Variants in PCTP observed in about 807,000 individuals in gnomAD.
PCTP encodes START domain-containing protein 2.
In PCTP, 27 loss-of-function variants were observed where a neutral mutation model predicts 31.0. That is an observed-to-expected ratio of 0.87 (90% confidence interval 0.64 to 1.20). The LOEUF (loss-of-function observed/expected upper bound fraction) is 1.20. PCTP is among the 50% of genes most tolerant of loss of function. The pLI is 0.00. For synonymous variants in PCTP, 108 were observed against 101.2 expected (o/e 1.07, Z -0.40); for missense variants, 287 against 268.2 (o/e 1.07, Z -0.49).
intron 1 of PCTP, among the ~76,000 whole-genome samples, chr17:55,756,595 C>A (rs1332650667): frequency 6.6e-6 from 1 of 152,140 alleles, no homozygotes; most frequent in African/African-American, 2.4e-5. Context: ...CTTTGGTGGT[C>A]CTTTTGAGAG....
intron 3 of PCTP, among the ~76,000 whole-genome samples, chr17:55,806,006 T>C (rs1045928555): frequency 1.3e-5 from 2 of 151,976 alleles, no homozygotes; most frequent in African/African-American, 4.8e-5. Flanking sequence ...CTCCAAGTGA[T>C]GGGAAACAGG....
At chr17:55,824,070 T>C (rs1813833034), downstream of PCTP, among the ~76,000 whole-genome samples, 1 of 152,140 alleles carries the variant, frequency 6.6e-6, no homozygotes, top group Non-Finnish European at 1.5e-5. Flanking sequence ...GGGTGGTAGC[T>C]CCCTTCTTTT....
chr17:55,758,529 T>A (rs900468087), intron 1 of PCTP, among the ~76,000 whole-genome samples: 5 of 152,222 alleles, frequency 3.3e-5, no homozygotes, highest in Admixed American at 3.3e-4. Flanking sequence ...GCCCCATTAC[T>A]TCAGGATTGT....
chr17:55,762,097 G>A (rs1910369554), intron 1 of PCTP, among the ~76,000 whole-genome samples: 2 of 152,154 alleles, frequency 1.3e-5, no homozygotes, highest in Non-Finnish European at 2.9e-5. Context: ...CCATATGCGG[G>A]GATGTGGGAT....
intron 3 of PCTP, among the ~76,000 whole-genome samples, chr17:55,791,620 CA>C (rs1228954585): frequency 4.4e-4 from 67 of 150,600 alleles, no homozygotes; most frequent in Admixed American, 2.0e-4. Flanking sequence ...CATCTCACAC[CA>C]GTTAGAATGG....
chr17:55,777,434 A>G, downstream of PCTP: 2 of 950,830 alleles, frequency 2.1e-6, no homozygotes, highest in Non-Finnish European at 2.5e-6. Flanking sequence ...CATCAGTTAG[A>G]TCTCCTTTAT....
At chr17:55,840,027 T>G (rs1905922547) in intron 5 of PCTP, among the ~76,000 whole-genome samples, 1 of 151,848 alleles carries the variant, frequency 6.6e-6, no homozygotes, top group African/African-American at 2.4e-5. Flanking sequence ...GATGGATGTC[T>G]TTTTATTTTT....
At chr17:55,817,387 T>C (rs1912958724) in intron 3 of PCTP, among the ~76,000 whole-genome samples, 1 of 152,226 alleles carries the variant, frequency 6.6e-6, no homozygotes, top group African/African-American at 2.4e-5. Flanking sequence ...AGTTGGCTTA[T>C]TTTCACTGAG....
intron 3 of PCTP, among the ~76,000 whole-genome samples, chr17:55,792,927 G>T (rs1181207727): frequency 6.6e-6 from 1 of 152,128 alleles, no homozygotes; most frequent in East Asian, 1.9e-4. Flanking sequence ...TTTGCACCAA[G>T]GGTATGGATG....
At chr17:55,823,135 G>A (rs1251445567), downstream of PCTP, 8 of 186,454 alleles carry the variant, frequency 4.3e-5, no homozygotes, top group East Asian at 9.7e-4. Context: ...ATTGTCACTT[G>A]GAGGATATGC....
At chr17:55,819,821 A>AT (rs1913055420) in intron 3 of PCTP, among the ~76,000 whole-genome samples, 2 of 152,252 alleles carry the variant, frequency 1.3e-5, no homozygotes, top group African/African-American at 4.8e-5. Flanking sequence ...GAGGATTGAT[A>AT]TATAAATCAA....
At chr17:55,765,104 T>G (rs780537942) in intron 1 of PCTP, among the ~76,000 whole-genome samples, 5 of 152,246 alleles carry the variant, frequency 3.3e-5, no homozygotes, top group South Asian at 2.1e-4. Context: ...AAGGAACTTA[T>G]ATGATTTGAA....
intron 5 of PCTP, among the ~76,000 whole-genome samples, chr17:55,841,935 C>T (rs1283376383): frequency 6.6e-6 from 1 of 152,130 alleles, no homozygotes; most frequent in Non-Finnish European, 1.5e-5. Context: ...CTCTATTTAC[C>T]TATCTAGCTA....
At position 55,756,989 on chromosome 17, in the gene PCTP, T is replaced by C. The variant is rs138462906; in HGVS notation, c.141+5745T>C. On this transcript the variant is annotated intron_variant, in intron 1 of 5. Coordinates refer to ENST00000268896, the MANE Select transcript of PCTP (RefSeq NM_021213.4). Reference sequence around the variant, plus strand: ...TTACTTTTTCATTTTGAAATCTCAGTTTCCTCATTTGCAAAACCTGGATAA... The same window carrying C: ...TTACTTTTTCATTTTGAAATCTCAGCTTCCTCATTTGCAAAACCTGGATAA... Among the ~76,000 whole-genome samples, 1,010 of 152,234 alleles carry C rather than the reference T, an allele frequency of 6.6e-3. 4 individuals are homozygous for C. Among genetic ancestry groups the C allele is most frequent in the South Asian group, 9.5e-3 (46 of 4,830 alleles).
intron 3 of PCTP, among the ~76,000 whole-genome samples, chr17:55,803,892 C>CAAAAAA (rs35044645): frequency 0.037 from 4,609 of 126,140 alleles, 240 homozygotes; most frequent in African/African-American, 0.12. Context: ...TTCTGCAGAG[C>CAAAAAA]AAAAAAAAAA....
At chr17:55,818,634 G>T (rs1913007686) in intron 3 of PCTP, among the ~76,000 whole-genome samples, 1 of 152,170 alleles carries the variant, frequency 6.6e-6, no homozygotes, top group Non-Finnish European at 1.5e-5. Context: ...TGAAATATTT[G>T]TGGAATTAAA....
In PCTP at chr17:55,777,083, A is replaced by T; in HGVS notation, c.*983A>T. ...AATGACTCTGCACCTTTTTCTCAGG[A>T]ATTCTGCCTAAGTTGTCTGCCTTTT... On this transcript the variant is annotated 3_prime_UTR_variant, in exon 6 of 6. Coordinates refer to ENST00000268896, the MANE Select transcript of PCTP (RefSeq NM_021213.4). 2.0e-6 allele frequency: 2 copies of T among 985,866 alleles called. No individual in the cohort carries two copies. Among genetic ancestry groups the T allele is most frequent in the South Asian group, 4.7e-5 (1 of 21,284 alleles). 61.1% of individuals were successfully genotyped at this position (985,866 alleles called of 1,614,324 possible).
intron 1 of PCTP, among the ~76,000 whole-genome samples, chr17:55,756,987 A>G (rs765740006): frequency 2.0e-5 from 3 of 152,098 alleles, no homozygotes; most frequent in Non-Finnish European, 4.4e-5. Context: ...TTGAAATCTC[A>G]GTTTCCTCAT....
chr17:55,791,345 A>G (rs1315817487), intron 3 of PCTP, among the ~76,000 whole-genome samples: 1 of 148,994 alleles, frequency 6.7e-6, no homozygotes, highest in Non-Finnish European at 1.5e-5. Context: ...CAGCAAAAGA[A>G]ACTACCATCA....
Sources: gnomAD v4.1 joint callset for allele counts (sites outside exome capture counted in the v4.1 genomes callset) on GRCh38, gnomAD v4.1.1 for gene constraint, MANE v1.5 for transcripts, NCBI Gene and HGNC (gene_info 2026-07-23, HGNC 2026-07-21) for gene names.